The following RNF180 variants were observed in gnomAD, a reference collection of about 807,000 sequenced individuals.
The protein encoded by RNF180 is ring finger protein 180, also known as E3 ubiquitin-protein ligase RNF180.
A neutral mutation model predicts 59.2 loss-of-function variants in RNF180; 38 were observed. The ratio of observed to expected loss-of-function variants is 0.64; its 90% CI spans 0.50 to 0.84. The LOEUF (loss-of-function observed/expected upper bound fraction) is 0.84, where lower values mean the gene tolerates loss of function less well. Among genes scored for constraint, RNF180 ranks in the 40% least tolerant of loss-of-function variants. The pLI is 0.00. For missense variants in RNF180, 705 were observed against 700.9 expected (o/e 1.01, Z -0.07); for synonymous variants, 262 against 240.3 (o/e 1.09, Z -0.84).
intron 5 of RNF180, among the ~76,000 whole-genome samples, chr5:64,221,223 C>G (rs1012734946): frequency 2.0e-5 from 3 of 151,928 alleles, no homozygotes; most frequent in Non-Finnish European, 4.4e-5. Flanking sequence ...CCCATTCATT[C>G]TCCTCTTCCT....
At chr5:64,299,549 G>T (rs1357551499) in intron 5 of RNF180, among the ~76,000 whole-genome samples, 1 of 151,906 alleles carries the variant, frequency 6.6e-6, no homozygotes, top group East Asian at 1.9e-4. Flanking sequence ...TTTAAAAATT[G>T]ATTTAAATAT....
chr5:64,200,750 A>G, intron 1 of RNF180, 58 bp from the exon 2 acceptor site: 1 of 1,476,490 alleles, frequency 6.8e-7, no homozygotes, highest in South Asian at 1.2e-5. Flanking sequence ...TTAAGGATTT[A>G]GAAAGTCCAG....
upstream of RNF180, among the ~76,000 whole-genome samples, chr5:64,165,536 G>A (rs937262303): frequency 1.3e-5 from 2 of 152,250 alleles, no homozygotes; most frequent in Non-Finnish European, 2.9e-5. Flanking sequence ...CTTAACTCCA[G>A]AAAAGGCCGA....
chr5:64,183,441 CTTTTTTTTTTTTTTT>C (rs367772828), intron 1 of RNF180, among the ~76,000 whole-genome samples: 1 of 89,914 alleles, frequency 1.1e-5, no homozygotes, highest in Non-Finnish European at 2.1e-5. Context: ...GAAAGTATAC[CTTTTTTTTTTTTTTT>C]TTTTTTTTTT....
chr5:64,330,516 TA>T (rs1477074031), intron 7 of RNF180, 110 bp downstream of exon 7: 1 of 1,029,190 alleles, frequency 9.7e-7, no homozygotes, highest in East Asian at 2.7e-5. Flanking sequence ...ATTTCTGTAT[TA>T]ATCAATTTTA....
chr5:64,344,248 A>G (rs987212986), intron 7 of RNF180, among the ~76,000 whole-genome samples: 1 of 152,098 alleles, frequency 6.6e-6, no homozygotes, highest in African/African-American at 2.4e-5. Flanking sequence ...GGAAGTATAG[A>G]AAATTATATA....
chr5:64,183,441 CTTTTTTTTTTT>C (rs367772828), intron 1 of RNF180, among the ~76,000 whole-genome samples: 1 of 89,898 alleles, frequency 1.1e-5, no homozygotes, highest in African/African-American at 5.1e-5. Context: ...GAAAGTATAC[CTTTTTTTTTTT>C]TTTTTTTTTT....
At chr5:64,196,193 T>G (rs1203916874) in intron 1 of RNF180, among the ~76,000 whole-genome samples, 3 of 151,500 alleles carry the variant, frequency 2.0e-5, no homozygotes, top group Non-Finnish European at 2.9e-5. Context: ...GCACTTAGTT[T>G]TTTTTTTTTT....
rs145832358 is a variant in RNF180 at position 64,257,238 on chromosome 5, C to T, written c.1227+39842C>T. On this transcript the variant is annotated intron_variant, in intron 5 of 7. Transcript: ENST00000389100. The stretch of plus-strand genomic sequence containing the variant: ...GCCCTGGCCAGAACTTCCAACACTA[C>T]GTTGAATAGGAGTGGTGAGAGAGGG... Among the ~76,000 whole-genome samples, 600 of 152,140 alleles carry T rather than the reference C, an allele frequency of 3.9e-3. 3 individuals are homozygous for T. Among genetic ancestry groups the T allele is most frequent in the African/African-American group, 0.014 (573 of 41,522 alleles).
chr5:64,347,059 A>G (rs1407981628), intron 7 of RNF180, among the ~76,000 whole-genome samples: 2 of 152,220 alleles, frequency 1.3e-5, no homozygotes, highest in African/African-American at 2.4e-5. Flanking sequence ...CTGGCATATA[A>G]TGATACTTTA....
intron 5 of RNF180, among the ~76,000 whole-genome samples, chr5:64,317,603 C>CATATATAT (rs1744115934): frequency 8.8e-6 from 1 of 113,990 alleles, no homozygotes; most frequent in African/African-American, 4.2e-5. Context: ...TTTATACACA[C>CATATATAT]ACACACACAC....
At chr5:64,178,794 A>G (rs1750402320) in intron 1 of RNF180, among the ~76,000 whole-genome samples, 1 of 152,144 alleles carries the variant, frequency 6.6e-6, no homozygotes, top group Non-Finnish European at 1.5e-5. Context: ...TCACCATTCC[A>G]ACTACATATT....
intron 5 of RNF180, among the ~76,000 whole-genome samples, chr5:64,256,144 G>A (rs1269109590): frequency 6.6e-6 from 1 of 152,068 alleles, no homozygotes; most frequent in Non-Finnish European, 1.5e-5. Flanking sequence ...CTCCCATTCT[G>A]TAGGTTGCCT....
At chr5:64,167,856 A>C (rs865803546) in intron 1 of RNF180, among the ~76,000 whole-genome samples, 2 of 152,310 alleles carry the variant, frequency 1.3e-5, no homozygotes, top group Middle Eastern at 6.8e-3. Flanking sequence ...CTGAAAAAAG[A>C]ATGGTGATGT....
rs550881091 is a variant in RNF180, at chr5:64,224,474, C to T, written c.1227+7078C>T. On this transcript the variant is annotated intron_variant, in intron 5 of 7. Coordinates refer to ENST00000389100, the MANE Select transcript of RNF180 (RefSeq NM_001113561.2). ...ATTGAGAGAATGAGAGTTTTGATTA[C>T]GAGCAAGGGGGAAAGAGAATGGGAG... 1.3e-4 allele frequency among the ~76,000 whole-genome samples: 20 copies of T among 152,112 alleles called. 2 individuals carry two copies. The highest frequency in any genetic ancestry group is 3.6e-4 in the African/African-American group (15 of 41,474).
intron 5 of RNF180, among the ~76,000 whole-genome samples, chr5:64,242,999 C>G (rs1742891508): frequency 6.6e-6 from 1 of 152,194 alleles, no homozygotes; most frequent in African/African-American, 2.4e-5. Flanking sequence ...AGGGAAGTCC[C>G]TCCCCTAGCC....
intron 4 of RNF180, among the ~76,000 whole-genome samples, chr5:64,215,951 A>G (rs1752599310): frequency 2.0e-5 from 3 of 152,112 alleles, no homozygotes; most frequent in Admixed American, 2.0e-4. Flanking sequence ...GAATACTCTT[A>G]TACACAGTTT....
intron 1 of RNF180, among the ~76,000 whole-genome samples, chr5:64,186,305 T>C (rs1490330091): frequency 3.3e-5 from 5 of 152,148 alleles, no homozygotes; most frequent in Non-Finnish European, 7.4e-5. Context: ...ATACTTATTA[T>C]CAACATTTGG....
At chr5:64,284,788 A>G (rs1347517437) in intron 5 of RNF180, among the ~76,000 whole-genome samples, 1 of 152,108 alleles carries the variant, frequency 6.6e-6, no homozygotes, top group Non-Finnish European at 1.5e-5. Flanking sequence ...TATGATCATC[A>G]TTCCTGTCTA....
Sources: allele counts gnomAD v4.1 joint callset (sites outside exome capture counted in the v4.1 genomes callset), GRCh38; gene constraint gnomAD v4.1.1; transcripts MANE v1.5; gene names NCBI Gene and HGNC (gene_info 2026-07-23, HGNC 2026-07-21).